The following DICER1 variants were observed in gnomAD, a reference collection of about 807,000 sequenced individuals.
The protein encoded by DICER1 is dicer 1, ribonuclease III, also known as endoribonuclease Dicer.
DICER1 carries 43 observed loss-of-function variants against 194.1 expected under a neutral mutation model. The observed-to-expected ratio is 0.22, with a 90% CI of 0.17 to 0.29. The LOEUF (loss-of-function observed/expected upper bound fraction) is 0.29, where lower values mean the gene tolerates loss of function less well. DICER1 is among the 10% of genes least tolerant of loss of function. The pLI is 1.00. For missense variants in DICER1, 1,608 were observed against 2,317.0 expected (o/e 0.69, Z 6.28); for synonymous variants, 832 against 820.5 (o/e 1.01, Z -0.24).
At chr14:95,138,480 G>C (rs1894581485) in intron 1 of DICER1, among the ~76,000 whole-genome samples, 1 of 151,926 alleles carries the variant, frequency 6.6e-6, no homozygotes, top group African/African-American at 2.4e-5. Flanking sequence ...AAAGATTAAG[G>C]TTTCTATCAG....
intron 8 of DICER1, 102 bp from the exon 9 acceptor site, chr14:95,117,856 A>G (rs1892621463): frequency 9.2e-7 from 1 of 1,085,000 alleles, no homozygotes; most frequent in Admixed American, 2.1e-5. Context: ...ATTTTTTGCA[A>G]ACATACCTAA....
At chr14:95,094,679 A>C (rs185557730) in intron 23 of DICER1, among the ~76,000 whole-genome samples, 3 of 152,366 alleles carry the variant, frequency 2.0e-5, no homozygotes, top group Non-Finnish European at 4.4e-5. Context: ...CAGGAAAAGA[A>C]GACCCTCTTC....
intron 1 of DICER1, chr14:95,136,746 C>T (rs559640627): frequency 6.6e-6 from 1 of 152,240 alleles, no homozygotes; most frequent in East Asian, 1.9e-4. Context: ...ATTATTAGTC[C>T]CATTTGCTGC....
intron 3 of DICER1, among the ~76,000 whole-genome samples, chr14:95,131,923 A>C (rs1893985833): frequency 1.3e-5 from 2 of 152,180 alleles, no homozygotes; most frequent in Non-Finnish European, 2.9e-5. Flanking sequence ...GTTTTCTTCA[A>C]TAAAATCAGA....
intron 1 of DICER1, among the ~76,000 whole-genome samples, chr14:95,148,584 G>A (rs1458624686): frequency 6.6e-6 from 1 of 152,098 alleles, no homozygotes; most frequent in African/African-American, 2.4e-5. Flanking sequence ...ACATAAATAT[G>A]TTATGTTTAG....
In DICER1 at chr14:95,088,777, C is replaced by G. The variant is rs563878612; in HGVS notation, c.*1721G>C. ...GCTGACAGTTTTCTGTCGGTGCACT[C>G]GCACAGAGGCATTTCTCTGTGGGTG... On this transcript the variant is annotated 3_prime_UTR_variant, in exon 27 of 27. Coordinates refer to ENST00000343455, the MANE Select transcript of DICER1 (RefSeq NM_177438.3). The G allele has an allele frequency of 1.3e-5, 3 of 231,608 alleles. No individual in the cohort carries two copies. The highest frequency in any genetic ancestry group is 2.6e-5 in the Non-Finnish European group (3 of 117,536). The allele number at this position is 231,608 out of a possible 1,614,324, so 14.3% of individuals were successfully genotyped here. A position where few individuals can be genotyped will look rare whatever the true frequency, so the allele number is the denominator to read the frequency against.
intron 8 of DICER1, among the ~76,000 whole-genome samples, chr14:95,123,970 G>C (rs1893158210): frequency 6.6e-6 from 1 of 152,106 alleles, no homozygotes; most frequent in African/African-American, 2.4e-5. Flanking sequence ...GATTAGAATA[G>C]ATTAGCATCC....
intron 11 of DICER1, among the ~76,000 whole-genome samples, chr14:95,114,231 C>G (rs1371853290): frequency 6.6e-6 from 1 of 152,150 alleles, no homozygotes; most frequent in Non-Finnish European, 1.5e-5. Flanking sequence ...AAGGCTGGGG[C>G]AGTCTAGAAT....
intron 24 of DICER1, 114 bp from the exon 25 acceptor site, chr14:95,091,479 G>A (rs1028913405): frequency 4.2e-6 from 4 of 951,250 alleles, no homozygotes; most frequent in African/African-American, 3.2e-5. Flanking sequence ...AGTAAGGGGG[G>A]AAATACCATT....
intron 1 of DICER1, among the ~76,000 whole-genome samples, chr14:95,144,062 G>C (rs1595495474): frequency 6.6e-6 from 1 of 152,132 alleles, no homozygotes; most frequent in Non-Finnish European, 1.5e-5. Context: ...AAGTTGTAGA[G>C]CAGAAAAAGT....
intron 4 of DICER1, among the ~76,000 whole-genome samples, chr14:95,131,005 G>C (rs999370743): frequency 2.6e-5 from 4 of 152,138 alleles, no homozygotes; most frequent in African/African-American, 7.2e-5. Context: ...ACAAAGTTAA[G>C]AGCAATAAAA....
intron 8 of DICER1, among the ~76,000 whole-genome samples, chr14:95,120,380 C>T (rs1275147840): frequency 6.6e-6 from 1 of 152,186 alleles, no homozygotes; most frequent in Admixed American, 6.5e-5. Flanking sequence ...AATACAAAGT[C>T]TCTTACCAAC....
intron 11 of DICER1, 150 bp downstream of exon 11, chr14:95,115,517 G>A (rs1892356276): frequency 1.1e-6 from 1 of 875,436 alleles, no homozygotes. Flanking sequence ...AAAAAAAAAT[G>A]AAAAAAGAAG....
intron 1 of DICER1, among the ~76,000 whole-genome samples, chr14:95,149,736 AT>A (rs1367676712): frequency 6.6e-6 from 1 of 152,210 alleles, no homozygotes; most frequent in African/African-American, 2.4e-5. Flanking sequence ...TCCATGAATA[AT>A]TTTTTATTAA....
chr14:95,131,554 T>A lies in DICER1; in HGVS notation c.393A>T (p.Ala131=), dbSNP rs1314163773. 2.5e-6 allele frequency: 4 copies of A among 1,613,326 alleles called. No individual in the cohort carries two copies. The change falls in exon 4 of 27, where the codon GCA becomes GCT. Residue 131 remains alanine (A), a synonymous_variant. Transcript: ENST00000343455. ...GGTTCCATCTCTCTTTTGTCCAAGA[T>A]GCATTTACTTCTAGGTTTGAGTATT... ...VGEYSNLEVN[A]SWTKERWNQE...
chr14:95,131,748 C>G, intron 3 of DICER1, 109 bp from the exon 4 acceptor site: 1 of 1,052,424 alleles, frequency 9.5e-7, no homozygotes, highest in African/African-American at 1.6e-5. Flanking sequence ...TATATTAGAC[C>G]TAACCAACAA....
At chr14:95,103,139 T>C (rs1891039985) in intron 21 of DICER1, among the ~76,000 whole-genome samples, 1 of 152,008 alleles carries the variant, frequency 6.6e-6, no homozygotes, top group Non-Finnish European at 1.5e-5. Flanking sequence ...GAGTGTGGGA[T>C]TGGTGTAAAG....
rs1889603845 is a variant in DICER1 at position 95,089,488 on chromosome 14, GTTTAT to G, written c.*1005_*1009del. ...ATATTTTAGGTGTGATATGTCTAAGGTTTATTTTGTTAGAGCAACAGCCTAGAAGG... is the reference window on the plus strand; with the variant it reads ...ATATTTTAGGTGTGATATGTCTAAGGTTTGTTAGAGCAACAGCCTAGAAGG... On this transcript the variant is annotated 3_prime_UTR_variant, in exon 27 of 27. Transcript: ENST00000343455. 1 of 232,268 alleles carries G rather than the reference GTTTAT, an allele frequency of 4.3e-6. No homozygotes were observed. 14.4% of individuals were successfully genotyped at this position (232,268 alleles called of 1,614,324 possible).
At chr14:95,148,778 A>G (rs997939444) in intron 1 of DICER1, among the ~76,000 whole-genome samples, 1 of 152,240 alleles carries the variant, frequency 6.6e-6, no homozygotes, top group African/African-American at 2.4e-5. Flanking sequence ...CAACACATCA[A>G]AACAGCACAG....
Sources: gnomAD v4.1 joint callset for allele counts (sites outside exome capture counted in the v4.1 genomes callset) on GRCh38, gnomAD v4.1.1 for gene constraint, MANE v1.5 for transcripts, NCBI Gene and HGNC (gene_info 2026-07-23, HGNC 2026-07-21) for gene names.